Variants in FGF14 observed in about 807,000 individuals in gnomAD.
FGF14 encodes fibroblast growth factor homologous factor 4.
A neutral mutation model predicts 25.5 loss-of-function variants in FGF14; 5 were observed. The observed-to-expected ratio is 0.20, with a 90% CI of 0.10 to 0.41. FGF14 has a LOEUF of 0.41. Among genes scored for constraint, FGF14 ranks in the 10% least tolerant of loss-of-function variants. The pLI, the probability that FGF14 is intolerant of heterozygous loss-of-function variation, is 1.00. For synonymous variants in FGF14, 138 were observed against 118.3 expected, an observed-to-expected ratio of 1.17 and a Z score of -1.08; for missense variants, 222 against 320.1, an observed-to-expected ratio of 0.69 and a Z score of 2.34.
rs375145813 is a variant in FGF14 at position 102,168,790 on chromosome 13, A to G, written c.208+232681T>C. Among the ~76,000 whole-genome samples the G allele has an allele frequency of 4.6e-5, 7 of 152,224 alleles. No homozygotes were observed. In the East Asian group the frequency reaches 5.8e-4, roughly 13 times the overall value. ...GTACTACCACATATTTATTTTTCTCAGGCCATGATAATGTTCTTCAGAGGT... is the reference window on the plus strand; with the variant it reads ...GTACTACCACATATTTATTTTTCTCGGGCCATGATAATGTTCTTCAGAGGT... On this transcript the variant is annotated intron_variant, in intron 1 of 4. Coordinates refer to the FGF14 transcript ENST00000376131.
chr13:102,074,769 A>G (rs1341821798), intron 1 of FGF14, among the ~76,000 whole-genome samples: 2 of 152,234 alleles, frequency 1.3e-5, no homozygotes, highest in Admixed American at 6.5e-5. Context: ...TAGGGATGTG[A>G]ACATAGTTCA....
chr13:102,041,595 A>AAAAAAAAAAGAG (rs1175485223), intron 1 of FGF14, among the ~76,000 whole-genome samples: 2,485 of 149,718 alleles, frequency 0.017, 64 homozygotes, highest in African/African-American at 0.056. Context: ...AAAAAAAAAA[A>AAAAAAAAAAGAG]AGAGAGATTT....
intron 3 of FGF14, among the ~76,000 whole-genome samples, chr13:101,746,938 G>C (rs1594108879): frequency 6.6e-6 from 1 of 152,034 alleles, no homozygotes; most frequent in East Asian, 1.9e-4. Flanking sequence ...TACACCTTTT[G>C]ACTCTCAGAA....
chr13:102,101,450 T>A (rs1037251525), intron 1 of FGF14, among the ~76,000 whole-genome samples: 3 of 152,200 alleles, frequency 2.0e-5, no homozygotes, highest in African/African-American at 7.2e-5. Context: ...AGATAATTCA[T>A]GGGTATACCT....
chr13:102,213,141 C>T lies in FGF14; in HGVS notation c.208+188330G>A, dbSNP rs533769376. On this transcript the variant is annotated intron_variant, in intron 1 of 4. Transcript: ENST00000376131. ...TCACGCCTGCAGCCAACATTTACCC[C>T]GTCTGCCTTGCAATTTCAGGATCAG... Among the ~76,000 whole-genome samples, 7 of 152,292 alleles carry T rather than the reference C, an allele frequency of 4.6e-5. No homozygotes were observed. In the South Asian group the frequency reaches 6.2e-4, roughly 14 times the overall value.
intron 3 of FGF14, among the ~76,000 whole-genome samples, chr13:101,796,085 A>G (rs1594278513): frequency 1.3e-5 from 2 of 152,148 alleles, no homozygotes; most frequent in African/African-American, 4.8e-5. Context: ...AGCAGTTCCT[A>G]GAAAAATAAC....
chr13:101,904,169 G>C (rs1043597068), intron 1 of FGF14, among the ~76,000 whole-genome samples: 1 of 152,188 alleles, frequency 6.6e-6, no homozygotes, highest in Non-Finnish European at 1.5e-5. Context: ...ACCTGCCCAA[G>C]TTTTCCAGCC....
intron 1 of FGF14, among the ~76,000 whole-genome samples, chr13:102,384,613 A>T (rs1455170724): frequency 6.6e-6 from 1 of 152,198 alleles, no homozygotes; most frequent in Non-Finnish European, 1.5e-5. Context: ...GCCCTATAGC[A>T]TCAGAGCCAC....
At chr13:101,740,693 A>C (rs1594090278) in intron 3 of FGF14, among the ~76,000 whole-genome samples, 1 of 152,174 alleles carries the variant, frequency 6.6e-6, no homozygotes, top group Non-Finnish European at 1.5e-5. Flanking sequence ...GTATAACATA[A>C]GTTTCCAGAG....
intron 3 of FGF14, among the ~76,000 whole-genome samples, chr13:101,731,174 G>C (rs2035784978): frequency 6.6e-6 from 1 of 152,138 alleles, no homozygotes; most frequent in East Asian, 1.9e-4. Context: ...TAGTCTAATT[G>C]ATAGTTGCTA....
At chr13:101,988,066 T>C (rs879524082) in intron 1 of FGF14, among the ~76,000 whole-genome samples, 6 of 152,074 alleles carry the variant, frequency 3.9e-5, no homozygotes, top group Admixed American at 1.3e-4. Flanking sequence ...CTGAAGTTTA[T>C]ACAGGAAAAT....
chr13:101,921,510 G>A (rs765643283), upstream of FGF14, among the ~76,000 whole-genome samples: 14 of 152,100 alleles, frequency 9.2e-5, no homozygotes, highest in Admixed American at 1.3e-4. Flanking sequence ...CTAATACCCC[G>A]TATATATTTG....
chr13:101,719,829 T>G lies in FGF14; in HGVS notation c.*3002A>C, dbSNP rs138729437. ...ATACGGAACATCAGTAGTGACAGAT[T>G]GCACTTCTTACTTAATAACAGCAAA... On this transcript the variant is annotated 3_prime_UTR_variant, in exon 5 of 5. Transcript: ENST00000376143. The G allele has an allele frequency of 1.3e-5, 2 of 152,046 alleles. No individual in the cohort carries two copies. Among genetic ancestry groups the G allele is most frequent in the African/African-American group, 4.8e-5 (2 of 41,518 alleles). The allele number at this position is 152,046 out of a possible 1,614,324, so 9.4% of individuals were successfully genotyped here.
intron 1 of FGF14, among the ~76,000 whole-genome samples, chr13:102,249,942 A>T (rs2052085469): frequency 6.6e-6 from 1 of 152,134 alleles, no homozygotes; most frequent in Admixed American, 6.6e-5. Context: ...ATGCTCTCTG[A>T]CAGTGGACTA....
At chr13:102,036,777 T>C (rs1207537409) in intron 1 of FGF14, among the ~76,000 whole-genome samples, 4 of 152,112 alleles carry the variant, frequency 2.6e-5, no homozygotes, top group Non-Finnish European at 5.9e-5. Context: ...AATTTCTACC[T>C]TCAGCTTCTG....
intron 1 of FGF14, among the ~76,000 whole-genome samples, chr13:101,898,265 C>G: frequency 6.6e-6 from 1 of 151,472 alleles, no homozygotes; most frequent in East Asian, 1.9e-4. Flanking sequence ...TTTTAAAAAT[C>G]TGAAATCTGA....
At chr13:101,882,722 A>T (rs951310610) in intron 1 of FGF14, among the ~76,000 whole-genome samples, 5 of 152,162 alleles carry the variant, frequency 3.3e-5, no homozygotes, top group Non-Finnish European at 7.4e-5. Context: ...TTTTGGAGCA[A>T]GAATATCACT....
intron 1 of FGF14, among the ~76,000 whole-genome samples, chr13:102,097,223 A>C (rs1464167146): frequency 6.6e-6 from 1 of 152,190 alleles, no homozygotes; most frequent in Non-Finnish European, 1.5e-5. Context: ...TGTTGCTTTC[A>C]AAATATATTC....
chr13:101,771,575 G>A (rs544417153), intron 3 of FGF14, among the ~76,000 whole-genome samples: 1 of 151,938 alleles, frequency 6.6e-6, no homozygotes, highest in African/African-American at 2.4e-5. Context: ...TTAGACTTCA[G>A]GCAAATACAC....
Sources: gnomAD v4.1 joint callset for allele counts (sites outside exome capture counted in the v4.1 genomes callset) on GRCh38, gnomAD v4.1.1 for gene constraint, MANE v1.5 for transcripts, NCBI Gene and HGNC (gene_info 2026-07-23, HGNC 2026-07-21) for gene names.